Variants in PRDM16 observed in about 807,000 individuals in gnomAD.
PRDM16 encodes PR/SET domain 16, also known as histone-lysine N-methyltransferase PRDM16.
A neutral mutation model predicts 110.6 loss-of-function variants in PRDM16; 23 were observed. That is an observed-to-expected ratio of 0.21 (90% CI 0.15 to 0.29). The LOEUF is 0.29. Ranked by LOEUF, PRDM16 falls within the 10% of genes least tolerant of loss-of-function variation. The pLI, the probability that PRDM16 is intolerant of heterozygous loss-of-function variation, is 1.00. For synonymous variants in PRDM16, 799 were observed against 781.8 expected, an observed-to-expected ratio of 1.02 and a Z score of -0.37; for missense variants, 1,615 against 1,794.3, an observed-to-expected ratio of 0.90 and a Z score of 1.81.
intron 12 of PRDM16, among the ~76,000 whole-genome samples, chr1:3,420,560 G>A (rs766515740): frequency 1.8e-4 from 27 of 152,216 alleles, no homozygotes; most frequent in Non-Finnish European, 2.6e-4. Flanking sequence ...AGCCTCTTCC[G>A]TTTAAGTCCT....
chr1:3,349,572 T>C (rs1248077643), intron 3 of PRDM16, among the ~76,000 whole-genome samples: 2 of 152,174 alleles, frequency 1.3e-5, no homozygotes, highest in Non-Finnish European at 2.9e-5. Flanking sequence ...CCGGGGCAGC[T>C]GACCCCTCTT....
intron 1 of PRDM16, among the ~76,000 whole-genome samples, chr1:3,093,108 C>G (rs1409982341): frequency 3.3e-5 from 5 of 152,180 alleles, no homozygotes; most frequent in Admixed American, 6.5e-5. Flanking sequence ...CCTGACCTGG[C>G]TGAGAAGTGA....
intron 2 of PRDM16, among the ~76,000 whole-genome samples, chr1:3,215,797 C>T (rs756493114): frequency 2.4e-4 from 37 of 152,260 alleles, no homozygotes; most frequent in Non-Finnish European, 4.0e-4. Flanking sequence ...TGCCCGTGTC[C>T]GCACCCTCAT....
chr1:3,420,863 G>A (rs751357274), intron 12 of PRDM16, among the ~76,000 whole-genome samples: 17 of 152,162 alleles, frequency 1.1e-4, no homozygotes, highest in African/African-American at 3.6e-4. Flanking sequence ...CAGCCGGCCC[G>A]GGGGTCTCTC....
At chr1:3,169,293 C>T (rs1028151069) in intron 1 of PRDM16, among the ~76,000 whole-genome samples, 1 of 152,178 alleles carries the variant, frequency 6.6e-6, no homozygotes. Context: ...CATCCGGCCC[C>T]CACCACCCTG....
chr1:3,284,961 C>T (rs552180703), intron 3 of PRDM16, among the ~76,000 whole-genome samples: 1 of 152,322 alleles, frequency 6.6e-6, no homozygotes, highest in East Asian at 1.9e-4. Context: ...GACCTGCTCC[C>T]CTCTGGGCCC....
At chr1:3,122,038 A>G (rs1335702585) in intron 1 of PRDM16, among the ~76,000 whole-genome samples, 1 of 152,178 alleles carries the variant, frequency 6.6e-6, no homozygotes, top group Non-Finnish European at 1.5e-5. Context: ...CCGGCGGAGT[A>G]TGGATCTGAT....
intron 1 of PRDM16, among the ~76,000 whole-genome samples, chr1:3,086,171 T>C (rs1041872624): frequency 6.6e-6 from 1 of 152,124 alleles, no homozygotes; most frequent in African/African-American, 2.4e-5. Context: ...GCAGGACAGA[T>C]GGGGAACCTG....
chr1:3,227,366 G>A (rs1639311839), intron 2 of PRDM16, among the ~76,000 whole-genome samples: 2 of 152,244 alleles, frequency 1.3e-5, no homozygotes, highest in African/African-American at 4.8e-5. Context: ...TCCTTGTCCC[G>A]AGGCCACAGG....
intron 1 of PRDM16, among the ~76,000 whole-genome samples, chr1:3,100,221 C>T (rs963162736): frequency 1.3e-5 from 2 of 152,196 alleles, no homozygotes; most frequent in South Asian, 4.1e-4. Context: ...CGCTCTGTGA[C>T]GTGGCCCCAG....
At chr1:3,380,295 A>C (rs948464921) in intron 3 of PRDM16, among the ~76,000 whole-genome samples, 1 of 151,902 alleles carries the variant, frequency 6.6e-6, no homozygotes, top group Non-Finnish European at 1.5e-5. Context: ...GAGTTAACCA[A>C]GACCTCCTCA....
chr1:3,172,604 T>C (rs554135033), intron 1 of PRDM16, among the ~76,000 whole-genome samples: 7,885 of 152,274 alleles, frequency 0.052, 226 homozygotes, highest in Admixed American at 0.072. Flanking sequence ...ATGCCTGGAC[T>C]ATTAGCCCTC....
intron 3 of PRDM16, among the ~76,000 whole-genome samples, chr1:3,381,400 G>GTT (rs58504087): frequency 6.4e-4 from 86 of 135,104 alleles, no homozygotes; most frequent in Non-Finnish European, 9.2e-4. Context: ...TTTTTTTCTG[G>GTT]TTTTTTTTTT....
At position 3,081,500 on chromosome 1, in the gene PRDM16, C is replaced by T. The variant is rs1038732364; in HGVS notation, c.37+12204C>T. On this transcript the variant is annotated intron_variant, in intron 1 of 16. Transcript: ENST00000270722. The surrounding 1 kb of genome is among the most constrained non-coding windows in gnomAD (Gnocchi z 4.6). ...AGGAGCAGGGCTGAGGTGGGGAGAA[C>T]GCCGACTTGCATTTTCTGACAGTCC... 6.6e-6 allele frequency among the ~76,000 whole-genome samples: 1 copy of T among 152,148 alleles called. No individual in the cohort carries two copies. The highest frequency in any genetic ancestry group is 2.4e-5 in the African/African-American group (1 of 41,440).
chr1:3,110,850 G>A (rs1642775062), intron 1 of PRDM16, among the ~76,000 whole-genome samples: 1 of 152,172 alleles, frequency 6.6e-6, no homozygotes, highest in Non-Finnish European at 1.5e-5. Flanking sequence ...TTGGGGCCGG[G>A]ATGAGGTGCA....
chr1:3,386,023 C>A (rs933417154), intron 4 of PRDM16, among the ~76,000 whole-genome samples: 1 of 152,190 alleles, frequency 6.6e-6, no homozygotes, highest in Non-Finnish European at 1.5e-5. Flanking sequence ...CAGAGCTGGT[C>A]GCTGCTTCAT....
At chr1:3,275,323 A>C (rs1640558179) in intron 3 of PRDM16, among the ~76,000 whole-genome samples, 1 of 152,192 alleles carries the variant, frequency 6.6e-6, no homozygotes, top group Non-Finnish European at 1.5e-5. Flanking sequence ...GGATATCGGG[A>C]ATGAAAAAGT....
At chr1:3,297,739 G>T (rs76866543) in intron 3 of PRDM16, among the ~76,000 whole-genome samples, 10,946 of 152,188 alleles carry the variant, frequency 0.072, 1,296 homozygotes, top group African/African-American at 0.24. Context: ...AGTCTGGAGC[G>T]GCAGGAAACA....
At chr1:3,405,129 GC>G (rs1185709094) in intron 7 of PRDM16, among the ~76,000 whole-genome samples, 3 of 152,172 alleles carry the variant, frequency 2.0e-5, no homozygotes, top group African/African-American at 7.2e-5. Context: ...CCCCTCCAGA[GC>G]GCGGCTCCTG....
Sources: allele counts gnomAD v4.1 joint callset (sites outside exome capture counted in the v4.1 genomes callset), GRCh38; gene constraint gnomAD v4.1.1; non-coding constraint Gnocchi (gnomAD v3.1); transcripts MANE v1.5; gene names NCBI Gene and HGNC (gene_info 2026-07-23, HGNC 2026-07-21).